The following DNAJC1 variants were observed in gnomAD, a reference collection of about 807,000 sequenced individuals.
DNAJC1 encodes dnaJ homolog subfamily C member 1.
In DNAJC1, 58 loss-of-function variants were observed where a neutral mutation model predicts 76.6. The observed-to-expected ratio is 0.76, with a 90% CI of 0.61 to 0.94. The LOEUF (loss-of-function observed/expected upper bound fraction) is 0.94. DNAJC1 is among the 40% of genes least tolerant of loss of function. The pLI is 0.00. For missense variants in DNAJC1, 689 were observed against 677.3 expected (o/e 1.02, Z -0.19); for synonymous variants, 258 against 267.9 (o/e 0.96, Z 0.36).
intron 1 of DNAJC1, among the ~76,000 whole-genome samples, chr10:21,964,653 T>C (rs1214299752): frequency 6.6e-6 from 1 of 152,040 alleles, no homozygotes; most frequent in East Asian, 1.9e-4. Context: ...CTGCTAATCA[T>C]TTTCCTTCTC....
intron 7 of DNAJC1, among the ~76,000 whole-genome samples, chr10:21,888,175 C>G (rs899101974): frequency 6.6e-6 from 1 of 152,058 alleles, no homozygotes; most frequent in Non-Finnish European, 1.5e-5. Flanking sequence ...CAAATCAAAA[C>G]CACAATGAGA....
chr10:21,932,139 C>G (rs977680733), intron 1 of DNAJC1, among the ~76,000 whole-genome samples: 1 of 152,068 alleles, frequency 6.6e-6, no homozygotes, highest in Non-Finnish European at 1.5e-5. Context: ...GAGTTTGAGA[C>G]CAGCCTGAGC....
At chr10:21,902,450 G>A (rs1428194784) in intron 7 of DNAJC1, among the ~76,000 whole-genome samples, 4 of 151,888 alleles carry the variant, frequency 2.6e-5, no homozygotes, top group African/African-American at 4.8e-5. Flanking sequence ...GATTATAGGC[G>A]CACACCACCA....
intron 1 of DNAJC1, among the ~76,000 whole-genome samples, chr10:21,934,070 A>G (rs532300443): frequency 6.6e-6 from 1 of 152,262 alleles, no homozygotes; most frequent in Non-Finnish European, 1.5e-5. Context: ...CAGAAGGGGC[A>G]TTGTTATAAA....
intron 1 of DNAJC1, 22 bp from the exon 2 acceptor site, chr10:21,929,163 G>C (rs879171806): frequency 6.5e-7 from 1 of 1,536,976 alleles, no homozygotes; most frequent in Admixed American, 1.8e-5. Context: ...AGGGGGAGGG[G>C]AAAATACAAA....
intron 1 of DNAJC1, among the ~76,000 whole-genome samples, chr10:21,955,153 T>A (rs1013384931): frequency 2.6e-5 from 4 of 152,200 alleles, no homozygotes; most frequent in African/African-American, 9.7e-5. Context: ...CAGCCCCCAG[T>A]TCAGAATCAC....
intron 9 of DNAJC1, among the ~76,000 whole-genome samples, chr10:21,768,296 C>A (rs996423815): frequency 2.6e-5 from 4 of 152,062 alleles, no homozygotes; most frequent in Non-Finnish European, 5.9e-5. Context: ...TGTATATTCT[C>A]GAACCAACAC....
chr10:21,953,534 C>A (rs1325343717), intron 1 of DNAJC1, among the ~76,000 whole-genome samples: 1 of 151,524 alleles, frequency 6.6e-6, no homozygotes, highest in African/African-American at 2.4e-5. Context: ...AAAATCCATT[C>A]TGGATTTAAT....
chr10:21,853,427 A>C (rs1482897078), intron 8 of DNAJC1, among the ~76,000 whole-genome samples: 1 of 152,080 alleles, frequency 6.6e-6, no homozygotes, highest in East Asian at 1.9e-4. Flanking sequence ...GGAGAGAGTA[A>C]ACTGACCACG....
intron 1 of DNAJC1, among the ~76,000 whole-genome samples, chr10:21,974,136 G>T (rs1408401248): frequency 2.0e-5 from 3 of 150,712 alleles, no homozygotes; most frequent in Non-Finnish European, 4.4e-5. Context: ...AAAAGGAAAA[G>T]AAATATGATT....
intron 9 of DNAJC1, among the ~76,000 whole-genome samples, chr10:21,768,030 C>T (rs1834322289): frequency 6.6e-6 from 1 of 151,976 alleles, no homozygotes; most frequent in Admixed American, 6.6e-5. Context: ...CCTATTACTC[C>T]AGAAAGTTCC....
chr10:21,952,602 T>C (rs539037220), intron 1 of DNAJC1, among the ~76,000 whole-genome samples: 13 of 152,072 alleles, frequency 8.5e-5, no homozygotes, highest in Non-Finnish European at 1.9e-4. Flanking sequence ...ACTAAAAAAA[T>C]ACAAAAATTA....
intron 9 of DNAJC1, among the ~76,000 whole-genome samples, chr10:21,791,619 T>C (rs1391580080): frequency 1.3e-5 from 2 of 151,834 alleles, no homozygotes; most frequent in African/African-American, 4.8e-5. Context: ...TATATGAAAA[T>C]TAAATGTGCT....
intron 8 of DNAJC1, among the ~76,000 whole-genome samples, chr10:21,850,533 CT>C (rs1041190429): frequency 2.3e-3 from 317 of 136,356 alleles, no homozygotes; most frequent in Admixed American, 2.7e-3. Context: ...ATTTTCTTTT[CT>C]TTTTTTTTTT....
At chr10:21,805,830 C>G (rs1352869781) in intron 9 of DNAJC1, 150 bp downstream of exon 9, 1 of 949,130 alleles carries the variant, frequency 1.1e-6, no homozygotes, top group Non-Finnish European at 1.6e-6. Flanking sequence ...CTGCTTCTCA[C>G]TTATTGCATT....
chr10:21,806,167 A>G, intron 8 of DNAJC1, 68 bp from the exon 9 acceptor site: 1 of 1,510,374 alleles, frequency 6.6e-7, no homozygotes, highest in South Asian at 1.3e-5. Flanking sequence ...GGAAGAATAA[A>G]AAAAGATAAT....
chr10:21,866,842 C>T (rs1836009395), intron 8 of DNAJC1, among the ~76,000 whole-genome samples: 2 of 151,974 alleles, frequency 1.3e-5, no homozygotes, highest in South Asian at 4.1e-4. Context: ...AACAATTAAG[C>T]TGGAAATTAA....
chr10:21,789,598 T>C lies in DNAJC1; in HGVS notation c.1098+16382A>G, dbSNP rs559964701. On this transcript the variant is annotated intron_variant, in intron 9 of 11. Coordinates refer to ENST00000376980, the MANE Select transcript of DNAJC1 (RefSeq NM_022365.4). ...TCACCAAGATATAAGAATGTACAGA[T>C]AGATAATTCAACAAAACTAGGAAAA... is the stretch of plus-strand genomic sequence containing the variant. 2.6e-5 allele frequency among the ~76,000 whole-genome samples: 4 copies of C among 152,040 alleles called. No individual in the cohort carries two copies. In the South Asian group the frequency reaches 6.2e-4, roughly 24 times the overall value.
At chr10:21,826,346 G>A (rs569291893) in intron 8 of DNAJC1, among the ~76,000 whole-genome samples, 3 of 151,204 alleles carry the variant, frequency 2.0e-5, no homozygotes, top group Non-Finnish European at 4.4e-5. Context: ...TTTAGAGATA[G>A]AGTCTCACTA....
Sources: allele counts gnomAD v4.1 joint callset (sites outside exome capture counted in the v4.1 genomes callset), GRCh38; gene constraint gnomAD v4.1.1; transcripts MANE v1.5; gene names NCBI Gene and HGNC (gene_info 2026-07-23, HGNC 2026-07-21).